The following ZBTB20 variants were observed in gnomAD, a reference collection of about 807,000 sequenced individuals.
ZBTB20 encodes the protein zinc finger and BTB domain containing 20, also known as zinc finger and BTB domain-containing protein 20.
In ZBTB20, 9 loss-of-function variants were observed where a neutral mutation model predicts 56.9. That is an observed-to-expected ratio of 0.16 (90% CI 0.10 to 0.28). The LOEUF is 0.28. ZBTB20 is among the 10% of genes least tolerant of loss of function. ZBTB20 has a pLI of 1.00. For synonymous variants in ZBTB20, 417 were observed against 420.7 expected (o/e 0.99, Z 0.11); for missense variants, 655 against 1,003.0 (o/e 0.65, Z 4.69).
At chr3:114,528,044 C>T (rs1034429159) in intron 6 of ZBTB20, among the ~76,000 whole-genome samples, 4 of 149,080 alleles carry the variant, frequency 2.7e-5, no homozygotes, top group East Asian at 2.0e-4. Context: ...GATTTCACTA[C>T]ATGGACAATG....
chr3:114,702,226 C>T lies in ZBTB20; in HGVS notation c.-342-8651G>A, dbSNP rs565023128. ...GGCATGGTGGCACGTGCCTATAGTC[C>T]CAGCTACTCTGGAGGCTGAGGCTGA... On this transcript the variant is annotated intron_variant, in intron 5 of 11. Transcript: ENST00000675478. 3.9e-5 allele frequency among the ~76,000 whole-genome samples: 6 copies of T among 152,186 alleles called. No homozygotes were observed. The East Asian group carries it at 1.2e-3, about 29-fold the overall frequency.
chr3:114,375,260 G>A (rs983195384), intron 10 of ZBTB20, among the ~76,000 whole-genome samples: 5 of 152,074 alleles, frequency 3.3e-5, no homozygotes, highest in South Asian at 2.1e-4. Flanking sequence ...TCAAGCATTC[G>A]CATTTTTAAA....
At position 114,948,367 on chromosome 3, in the gene ZBTB20, G is replaced by A. The variant is rs572165579; in HGVS notation, c.-456+25999C>T. Reference sequence around the variant, plus strand: ...TTCAAAAAAGCAAAAACCAAACCTAGAACAAATGTTATACTAGTGGTCCTA... The same window carrying A: ...TTCAAAAAAGCAAAAACCAAACCTAAAACAAATGTTATACTAGTGGTCCTA... On this transcript the variant is annotated intron_variant, in intron 3 of 11. Transcript: ENST00000675478. Among the ~76,000 whole-genome samples, 287 of 145,900 alleles carry A rather than the reference G, an allele frequency of 2.0e-3. 24 individuals are homozygous for A. The highest frequency in any genetic ancestry group is 3.5e-3 in the African/African-American group (125 of 35,820).
At chr3:114,615,802 G>A (rs185714078) in intron 6 of ZBTB20, among the ~76,000 whole-genome samples, 1 of 152,318 alleles carries the variant, frequency 6.6e-6, no homozygotes, top group African/African-American at 2.4e-5. Context: ...GAGTCCCCTG[G>A]AGGTGGCGAT....
chr3:114,940,457 TCTATTTA>T lies in ZBTB20; in HGVS notation c.-456+33902_-456+33908del, dbSNP rs530747913. Among the ~76,000 whole-genome samples the T allele has an allele frequency of 9.6e-5, 14 of 145,406 alleles. 1 individual carries two copies. The highest frequency in any genetic ancestry group is 1.5e-4 in the Non-Finnish European group (10 of 67,918). On this transcript the variant is annotated intron_variant, in intron 3 of 11. Transcript: ENST00000675478. ...TTGCCAAACCCTCTCAGGGTAGACC[TCTATTTA>T]CTTAAAAGAACTAGTTTCATAGATT... is the stretch of plus-strand genomic sequence containing the variant.
chr3:114,641,522 C>T (rs1375625897), intron 6 of ZBTB20, among the ~76,000 whole-genome samples: 2 of 150,592 alleles, frequency 1.3e-5, no homozygotes, highest in Admixed American at 6.6e-5. Flanking sequence ...ATAATTTTTC[C>T]ATGGAAGGAA....
At chr3:114,474,297 C>T (rs1179879006) in intron 7 of ZBTB20, among the ~76,000 whole-genome samples, 1 of 152,200 alleles carries the variant, frequency 6.6e-6, no homozygotes, top group Non-Finnish European at 1.5e-5. Flanking sequence ...TTAGCTATAT[C>T]CCAAACTAGT....
chr3:114,782,486 C>G (rs1302923884), intron 5 of ZBTB20, among the ~76,000 whole-genome samples: 2 of 152,140 alleles, frequency 1.3e-5, no homozygotes, highest in Admixed American at 1.3e-4. Flanking sequence ...TCTAAGTGAG[C>G]ATGAAATATT....
intron 6 of ZBTB20, among the ~76,000 whole-genome samples, chr3:114,654,502 T>C (rs1344666999): frequency 6.6e-6 from 1 of 152,024 alleles, no homozygotes; most frequent in Non-Finnish European, 1.5e-5. Context: ...ATCTCAATCT[T>C]TTGAAAATGT....
chr3:115,017,078 G>T (rs1283530153), intron 2 of ZBTB20, among the ~76,000 whole-genome samples: 1 of 151,638 alleles, frequency 6.6e-6, no homozygotes, highest in Non-Finnish European at 1.5e-5. Flanking sequence ...AATAGGGAGA[G>T]AGGAAGTTAA....
At chr3:114,685,630 A>G (rs2062284765) in intron 6 of ZBTB20, among the ~76,000 whole-genome samples, 1 of 152,192 alleles carries the variant, frequency 6.6e-6, no homozygotes, top group African/African-American at 2.4e-5. Context: ...GCATTCATTC[A>G]GTCCATTAAT....
intron 6 of ZBTB20, among the ~76,000 whole-genome samples, chr3:114,584,066 G>A (rs1035740588): frequency 5.3e-5 from 8 of 152,066 alleles, no homozygotes; most frequent in East Asian, 1.9e-4. Flanking sequence ...AAAATTCTAC[G>A]TATCTAATGA....
chr3:114,946,533 A>T (rs2076893759), intron 3 of ZBTB20, among the ~76,000 whole-genome samples: 2 of 145,432 alleles, frequency 1.4e-5, no homozygotes, highest in South Asian at 2.1e-4. Flanking sequence ...AAAATGGAGT[A>T]TTGTTACAGA....
intron 5 of ZBTB20, among the ~76,000 whole-genome samples, chr3:114,736,140 A>T (rs2066142742): frequency 6.6e-6 from 1 of 152,192 alleles, no homozygotes; most frequent in South Asian, 2.1e-4. Context: ...TGGCTGTGTG[A>T]CCTTGGATAA....
intron 6 of ZBTB20, among the ~76,000 whole-genome samples, chr3:114,530,862 A>T (rs1166040429): frequency 6.6e-6 from 1 of 151,886 alleles, no homozygotes; most frequent in East Asian, 1.9e-4. Flanking sequence ...ATACTGGCCT[A>T]ATTTCCCTAT....
chr3:114,648,912 G>T (rs2059985570), intron 6 of ZBTB20, among the ~76,000 whole-genome samples: 1 of 151,962 alleles, frequency 6.6e-6, no homozygotes. Flanking sequence ...CTAATCAGCT[G>T]ACCCAGAAAT....
At chr3:114,580,020 A>T (rs1295562754) in intron 6 of ZBTB20, among the ~76,000 whole-genome samples, 1 of 151,710 alleles carries the variant, frequency 6.6e-6, no homozygotes, top group Non-Finnish European at 1.5e-5. Flanking sequence ...AATGTTACTC[A>T]GCTTATTTTG....
At chr3:114,594,193 G>A (rs1264753072) in intron 6 of ZBTB20, among the ~76,000 whole-genome samples, 2 of 151,684 alleles carry the variant, frequency 1.3e-5, no homozygotes, top group Non-Finnish European at 2.9e-5. Flanking sequence ...TGGTTAAATT[G>A]CAACCCATAA....
chr3:114,384,163 T>C (rs2084787806), intron 8 of ZBTB20, among the ~76,000 whole-genome samples: 1 of 151,650 alleles, frequency 6.6e-6, no homozygotes, highest in Admixed American at 6.6e-5. Flanking sequence ...TCTCTCTCTC[T>C]CTCTCTCCAA....
Sources: allele counts gnomAD v4.1 joint callset (sites outside exome capture counted in the v4.1 genomes callset), GRCh38; gene constraint gnomAD v4.1.1; transcripts MANE v1.5; gene names NCBI Gene and HGNC (gene_info 2026-07-23, HGNC 2026-07-21).